Variants in ICA1L observed in about 807,000 individuals in gnomAD.
ICA1L encodes the protein islet cell autoantigen 1-like protein.
Under a neutral mutation model 61.3 loss-of-function variants are expected in ICA1L, and 50 were observed. The observed-to-expected ratio is 0.82, with a 90% confidence interval of 0.65 to 1.03. ICA1L has a LOEUF of 1.03. ICA1L is among the 50% of genes least tolerant of loss of function. ICA1L has a pLI of 0.00. For synonymous variants in ICA1L, 161 were observed against 191.3 expected (o/e 0.84, Z 1.31); for missense variants, 508 against 556.7 (o/e 0.91, Z 0.88).
chr2:202,781,762 C>CTGTT (rs941275285), intron 12 of ICA1L, among the ~76,000 whole-genome samples: 39 of 152,164 alleles, frequency 2.6e-4, no homozygotes, highest in Admixed American at 5.2e-4. Context: ...AGATGCGTTT[C>CTGTT]TGTTAGGTAT....
chr2:202,857,244 A>G (rs1295486408), intron 1 of ICA1L, among the ~76,000 whole-genome samples: 1 of 152,208 alleles, frequency 6.6e-6, no homozygotes, highest in Admixed American at 6.5e-5. Context: ...CTACAAGTCT[A>G]CAGTAACCAA....
intron 11 of ICA1L, among the ~76,000 whole-genome samples, chr2:202,787,243 C>T (rs1466254542): frequency 3.9e-5 from 6 of 152,196 alleles, no homozygotes; most frequent in African/African-American, 1.4e-4. Flanking sequence ...ATGGGAATAT[C>T]CTGTCTGCCT....
rs1210913349 is a variant in ICA1L at position 202,849,197 on chromosome 2, T to C, written c.-7-20181A>G. ...GGTTTCAAGCACAAAACCGGGTGGCTGTTTGGGCAGACACCGAGCTAGCTG... is the reference window on the plus strand; with the variant it reads ...GGTTTCAAGCACAAAACCGGGTGGCCGTTTGGGCAGACACCGAGCTAGCTG... On this transcript the variant is annotated intron_variant, in intron 1 of 12. Transcript: ENST00000358299. This position sits in a 1 kb window ranked among gnomAD's most constrained non-coding sequence, Gnocchi z 4.5. 6.6e-6 allele frequency among the ~76,000 whole-genome samples: 1 copy of C among 152,160 alleles called. No individual in the cohort carries two copies. The highest frequency in any genetic ancestry group is 1.5e-5 in the Non-Finnish European group (1 of 68,020).
intron 1 of ICA1L, among the ~76,000 whole-genome samples, chr2:202,835,161 T>C (rs1227879701): frequency 6.6e-6 from 1 of 151,980 alleles, no homozygotes; most frequent in Non-Finnish European, 1.5e-5. Flanking sequence ...TATTCCTAAG[T>C]ATTTTAATTT....
At chr2:202,821,123 C>T (rs961618393) in intron 4 of ICA1L, among the ~76,000 whole-genome samples, 2 of 152,072 alleles carry the variant, frequency 1.3e-5, no homozygotes, top group African/African-American at 4.8e-5. Flanking sequence ...AATATAAATA[C>T]AGGCCTAAAG....
At position 202,789,725 on chromosome 2, in the gene ICA1L, G is replaced by A. The variant is rs143002832; in HGVS notation, c.986-638C>T. Among the ~76,000 whole-genome samples the A allele has an allele frequency of 2.4e-3, 365 of 152,256 alleles. 3 individuals carry two copies. The highest frequency in any genetic ancestry group is 8.4e-3 in the African/African-American group (348 of 41,538). Reference sequence around the variant, plus strand: ...TACCAAACAACGTTGAAAAGGGAATGGACTTTCGGAAAAATAATGATGAAG... The same window carrying A: ...TACCAAACAACGTTGAAAAGGGAATAGACTTTCGGAAAAATAATGATGAAG... On this transcript the variant is annotated intron_variant, in intron 10 of 12. Coordinates refer to ENST00000358299, the MANE Select transcript of ICA1L (RefSeq NM_001288622.3).
In ICA1L at chr2:202,776,606, C is replaced by T. The variant is rs927247387; in HGVS notation, c.*2927G>A. On this transcript the variant is annotated 3_prime_UTR_variant, in exon 13 of 13. Transcript: ENST00000358299. ...AATTTCTTTCTGACCACAAAAACTGCTGAGCTTCAAATAACTAATCTTGAG... is the reference window on the plus strand; with the variant it reads ...AATTTCTTTCTGACCACAAAAACTGTTGAGCTTCAAATAACTAATCTTGAG... 37 of 152,198 alleles carry T rather than the reference C, an allele frequency of 2.4e-4. No individual in the cohort carries two copies. Among genetic ancestry groups the T allele is most frequent in the African/African-American group, 7.5e-4 (31 of 41,440 alleles). The allele number at this position is 152,198 out of a possible 1,614,324, so 9.4% of individuals were successfully genotyped here.
intron 1 of ICA1L, among the ~76,000 whole-genome samples, chr2:202,853,250 G>A (rs1440423966): frequency 4.6e-5 from 7 of 151,670 alleles, no homozygotes; most frequent in Admixed American, 2.0e-4. Context: ...CCAGCTACTC[G>A]GGAGGCTGAG....
intron 1 of ICA1L, 46 bp from the exon 2 acceptor site, chr2:202,829,062 T>C (rs1397483263): frequency 6.7e-7 from 1 of 1,483,334 alleles, no homozygotes; most frequent in Non-Finnish European, 9.0e-7. Flanking sequence ...AAATTCTCAA[T>C]AATAGGCTGG....
At chr2:202,867,975 T>C (rs1424082599) in intron 1 of ICA1L, among the ~76,000 whole-genome samples, 1 of 152,270 alleles carries the variant, frequency 6.6e-6, no homozygotes, top group Middle Eastern at 3.4e-3. Flanking sequence ...AATTATAGTA[T>C]ACTGCGCAAT....
chr2:202,836,842 T>G (rs1363693493), intron 1 of ICA1L, among the ~76,000 whole-genome samples: 3 of 147,534 alleles, frequency 2.0e-5, no homozygotes, highest in South Asian at 2.1e-4. Flanking sequence ...TACAGATATA[T>G]AGATATAGAT....
chr2:202,776,331 AAC>A lies in ICA1L; in HGVS notation c.*3200_*3201del, dbSNP rs1038331858. The A allele has an allele frequency of 1.4e-4, 22 of 152,128 alleles. No homozygotes were observed. Among genetic ancestry groups the A allele is most frequent in the African/African-American group, 5.1e-4 (21 of 41,404 alleles). The allele number at this position is 152,128 out of a possible 1,614,324, so 9.4% of individuals were successfully genotyped here. On this transcript the variant is annotated 3_prime_UTR_variant, in exon 13 of 13. Coordinates refer to ENST00000358299, the MANE Select transcript of ICA1L (RefSeq NM_001288622.3). ...CTCGTCTGGTTTTTTTTAGACTTAA[AAC>A]ACATTTTTATCCAGTATAACATAAA...
intron 9 of ICA1L, among the ~76,000 whole-genome samples, chr2:202,808,629 G>A (rs540883912): frequency 2.6e-5 from 4 of 152,316 alleles, no homozygotes; most frequent in African/African-American, 4.8e-5. Flanking sequence ...GCCAGGCAGT[G>A]GTAACAGGAG....
rs61240847 is a variant in ICA1L, at chr2:202,861,401, CAAAAAAAAAAAAAA to C, written c.-8+10204_-8+10217del. The stretch of plus-strand genomic sequence containing the variant: ...GCCTGGGTACACGGCGAGACTATCT[CAAAAAAAAAAAAAA>C]AAAAAAAAAAAAAGACATAGCAGTC... On this transcript the variant is annotated intron_variant, in intron 1 of 12. Coordinates refer to ENST00000358299, the MANE Select transcript of ICA1L (RefSeq NM_001288622.3). Among the ~76,000 whole-genome samples, 5 of 21,734 alleles carry C rather than the reference CAAAAAAAAAAAAAA, an allele frequency of 2.3e-4. 1 individual carries two copies. The highest frequency in any genetic ancestry group is 0.05 in the Middle Eastern group (1 of 20). 14.3% of individuals were successfully genotyped at this position (21,734 alleles called of 152,430 possible).
chr2:202,779,154 A>G lies in ICA1L; in HGVS notation c.*379T>C, dbSNP rs986915675. On this transcript the variant is annotated 3_prime_UTR_variant, in exon 13 of 13. Coordinates refer to ENST00000358299, the MANE Select transcript of ICA1L (RefSeq NM_001288622.3). Reference sequence around the variant, plus strand: ...CTATCTATCTTTGTTATCCACATATAAAATTCTCACAGCCAGCAAGGCAAC... The same window carrying G: ...CTATCTATCTTTGTTATCCACATATGAAATTCTCACAGCCAGCAAGGCAAC... 3.1e-5 allele frequency: 5 copies of G among 163,634 alleles called. No homozygotes were observed. The highest frequency in any genetic ancestry group is 5.3e-5 in the Non-Finnish European group (4 of 75,976). The allele number at this position is 163,634 out of a possible 1,614,324, so 10.1% of individuals were successfully genotyped here.
chr2:202,827,265 G>A (rs1175754042), intron 2 of ICA1L, among the ~76,000 whole-genome samples: 1 of 152,088 alleles, frequency 6.6e-6, no homozygotes, highest in Admixed American at 6.6e-5. Context: ...ATGGTGGCAG[G>A]CTCCTGTAAT....
chr2:202,856,498 T>C (rs935519005), intron 1 of ICA1L, among the ~76,000 whole-genome samples: 1 of 152,126 alleles, frequency 6.6e-6, no homozygotes, highest in Non-Finnish European at 1.5e-5. Context: ...ATAAAAGCTA[T>C]TTAAAACAAA....
intron 1 of ICA1L, among the ~76,000 whole-genome samples, chr2:202,853,336 G>A (rs1223160223): frequency 3.4e-5 from 5 of 146,360 alleles, no homozygotes; most frequent in Non-Finnish European, 1.5e-5. Flanking sequence ...CAGCCTGGGC[G>A]ACAGAGCGAG....
At chr2:202,843,286 C>T (rs1694377948) in intron 1 of ICA1L, among the ~76,000 whole-genome samples, 1 of 152,076 alleles carries the variant, frequency 6.6e-6, no homozygotes, top group African/African-American at 2.4e-5. Context: ...ACTGACTTTC[C>T]TCCATGGGGT....
Sources: allele counts gnomAD v4.1 joint callset (sites outside exome capture counted in the v4.1 genomes callset), GRCh38; gene constraint gnomAD v4.1.1; non-coding constraint Gnocchi (gnomAD v3.1); transcripts MANE v1.5; gene names NCBI Gene and HGNC (gene_info 2026-07-23, HGNC 2026-07-21).